KDM4C: variants seen among roughly 807,000 people sequenced by gnomAD.
KDM4C encodes the protein lysine-specific demethylase 4C.
A neutral mutation model predicts 129.3 loss-of-function variants in KDM4C; 81 were observed. That is an observed-to-expected ratio of 0.63 (90% CI 0.52 to 0.75). The LOEUF (loss-of-function observed/expected upper bound fraction) is 0.75, where lower values mean the gene tolerates loss of function less well. KDM4C is among the 30% of genes least tolerant of loss of function. The pLI, the probability that KDM4C is intolerant of heterozygous loss-of-function variation, is 0.00. For missense variants in KDM4C, 1,457 were observed against 1,304.0 expected (o/e 1.12, Z -1.81); for synonymous variants, 573 against 456.1 (o/e 1.26, Z -3.26).
intron 1 of KDM4C, among the ~76,000 whole-genome samples, chr9:6,745,335 G>A (rs935670879): frequency 1.4e-4 from 21 of 151,770 alleles, no homozygotes; most frequent in African/African-American, 2.4e-4. Context: ...ATGGTGGCTC[G>A]CACCTATAAT....
chr9:6,736,456 C>G (rs1817531017), intron 1 of KDM4C, among the ~76,000 whole-genome samples: 1 of 152,116 alleles, frequency 6.6e-6, no homozygotes, highest in East Asian at 1.9e-4. Flanking sequence ...TGTGTGCAGT[C>G]TAGGGACTTG....
chr9:7,012,025 C>G lies in KDM4C; in HGVS notation c.1968+146C>G, dbSNP rs187418263. On this transcript the variant is annotated intron_variant, in intron 13 of 21. Transcript: ENST00000381309. ...GTAGCTGATGGCTTTCATAGAACCA[C>G]AAACAGTTTCTACATGATCCTTGAG... is the stretch of plus-strand genomic sequence containing the variant. The G allele has an allele frequency of 4.9e-3, 3,094 of 632,050 alleles. 25 individuals are homozygous for G. Among genetic ancestry groups the G allele is most frequent in the Middle Eastern group, 0.017 (38 of 2,292 alleles). The allele number at this position is 632,050 out of a possible 1,614,324, so 39.2% of individuals were successfully genotyped here.
intron 12 of KDM4C, among the ~76,000 whole-genome samples, 183 bp from the exon 13 acceptor site, chr9:7,011,515 G>C (rs1586896891): frequency 6.6e-6 from 1 of 152,196 alleles, no homozygotes; most frequent in African/African-American, 2.4e-5. Flanking sequence ...TTTGAGGCTT[G>C]AGGAGGATTA....
chr9:6,933,902 T>TTA (rs1824217495), intron 8 of KDM4C, among the ~76,000 whole-genome samples: 1 of 151,590 alleles, frequency 6.6e-6, no homozygotes, highest in South Asian at 2.1e-4. Flanking sequence ...CAGGCTGAAG[T>TTA]GCAGCGGTGT....
At chr9:6,745,776 C>G (rs1361837377) in intron 1 of KDM4C, among the ~76,000 whole-genome samples, 3 of 149,566 alleles carry the variant, frequency 2.0e-5, no homozygotes, top group African/African-American at 7.4e-5. Flanking sequence ...GTAGCTGGGA[C>G]TAGTGCATGC....
chr9:6,810,845 T>G (rs981609909), intron 3 of KDM4C, among the ~76,000 whole-genome samples: 9 of 152,160 alleles, frequency 5.9e-5, no homozygotes, highest in African/African-American at 1.9e-4. Flanking sequence ...CCCCCGAGCC[T>G]GGGTGACAAG....
chr9:6,987,385 A>T (rs1207656656), intron 11 of KDM4C, among the ~76,000 whole-genome samples: 2 of 152,228 alleles, frequency 1.3e-5, no homozygotes, highest in Admixed American at 6.5e-5. Context: ...CAGTATTAAT[A>T]TTCCATATTC....
chr9:6,883,963 C>T (rs1041776601), intron 6 of KDM4C, among the ~76,000 whole-genome samples: 6 of 152,116 alleles, frequency 3.9e-5, no homozygotes, highest in African/African-American at 1.4e-4. Flanking sequence ...ACCAGTTAAA[C>T]TGGGTGGAAA....
intron 17 of KDM4C, among the ~76,000 whole-genome samples, chr9:7,096,112 C>T (rs1836404001): frequency 1.3e-5 from 2 of 151,824 alleles, no homozygotes; most frequent in African/African-American, 4.8e-5. Flanking sequence ...CCCCTTTTGC[C>T]CTTTAAATTT....
intron 8 of KDM4C, among the ~76,000 whole-genome samples, chr9:6,895,107 TC>T (rs773073916): frequency 6.2e-4 from 94 of 152,328 alleles, no homozygotes; most frequent in Non-Finnish European, 9.4e-4. Context: ...ACCCCTTACT[TC>T]CTTTGGCCAG....
intron 17 of KDM4C, among the ~76,000 whole-genome samples, chr9:7,051,689 T>C (rs1830172042): frequency 6.6e-6 from 1 of 152,206 alleles, no homozygotes; most frequent in African/African-American, 2.4e-5. Flanking sequence ...TATTTTTTTC[T>C]GGAGCTGTGG....
At chr9:7,152,739 C>A (rs1364129652) in intron 19 of KDM4C, among the ~76,000 whole-genome samples, 1 of 152,166 alleles carries the variant, frequency 6.6e-6, no homozygotes, top group Non-Finnish European at 1.5e-5. Context: ...AGGGCCTCCA[C>A]CCCAAAATGC....
At chr9:6,752,006 G>T (rs529458838) in intron 1 of KDM4C, among the ~76,000 whole-genome samples, 1 of 152,228 alleles carries the variant, frequency 6.6e-6, no homozygotes, top group African/African-American at 2.4e-5. Flanking sequence ...GCTACTGCTG[G>T]AGAGATTAAG....
intron 4 of KDM4C, among the ~76,000 whole-genome samples, chr9:6,818,452 G>A (rs141716901): frequency 6.6e-6 from 1 of 152,358 alleles, no homozygotes; most frequent in East Asian, 1.9e-4. Flanking sequence ...ATGCACATGT[G>A]TGATAAAGGT....
intron 2 of KDM4C, among the ~76,000 whole-genome samples, chr9:6,801,534 G>C (rs1828968824): frequency 6.6e-6 from 1 of 150,980 alleles, no homozygotes; most frequent in African/African-American, 2.4e-5. Flanking sequence ...ACCGTGCCCA[G>C]CCTGACCTTG....
chr9:7,083,622 T>C (rs62533899), intron 17 of KDM4C, among the ~76,000 whole-genome samples: 25,873 of 152,032 alleles, frequency 0.17, 2,722 homozygotes, highest in South Asian at 0.42. Flanking sequence ...AGAAAAGATA[T>C]AGCCAAAATT....
intron 19 of KDM4C, among the ~76,000 whole-genome samples, chr9:7,157,423 T>G (rs1328375431): frequency 6.6e-6 from 1 of 152,232 alleles, no homozygotes; most frequent in East Asian, 1.9e-4. Flanking sequence ...GGCATCCTTG[T>G]CTTGTGCCGC....
intron 8 of KDM4C, among the ~76,000 whole-genome samples, chr9:6,947,068 T>C (rs981935368): frequency 6.6e-6 from 1 of 152,140 alleles, no homozygotes; most frequent in African/African-American, 2.4e-5. Context: ...ATGTCGTACT[T>C]TTGTAAATTA....
At chr9:7,073,406 T>C (rs1358656725) in intron 17 of KDM4C, among the ~76,000 whole-genome samples, 1 of 152,224 alleles carries the variant, frequency 6.6e-6, no homozygotes. Context: ...TTATATGTTA[T>C]ATAGATAATA....
Sources: gnomAD v4.1 joint callset for allele counts (sites outside exome capture counted in the v4.1 genomes callset) on GRCh38, gnomAD v4.1.1 for gene constraint, MANE v1.5 for transcripts, NCBI Gene and HGNC (gene_info 2026-07-23, HGNC 2026-07-21) for gene names.